The following NPAS3 variants were observed in gnomAD, a reference collection of about 807,000 sequenced individuals.
The protein encoded by NPAS3 is neuronal PAS domain-containing protein 3.
A neutral mutation model predicts 73.1 loss-of-function variants in NPAS3; 14 were observed. That is an observed-to-expected ratio of 0.19 (90% confidence interval 0.13 to 0.30). The LOEUF (loss-of-function observed/expected upper bound fraction) is 0.30. Ranked by LOEUF, NPAS3 falls within the 10% of genes least tolerant of loss-of-function variation. The pLI is 1.00. For missense variants in NPAS3, 1,096 were observed against 1,250.0 expected (o/e 0.88, Z 1.86); for synonymous variants, 620 against 541.5 (o/e 1.14, Z -2.01).
intron 4 of NPAS3, among the ~76,000 whole-genome samples, chr14:33,423,949 T>C (rs1465126272): frequency 2.0e-5 from 3 of 152,000 alleles, no homozygotes; most frequent in Admixed American, 6.6e-5. Flanking sequence ...ATTTAATAGA[T>C]ATTGATTGAA....
chr14:33,749,821 C>T (rs1186639836), intron 7 of NPAS3, among the ~76,000 whole-genome samples: 2 of 152,126 alleles, frequency 1.3e-5, no homozygotes, highest in Admixed American at 6.6e-5. Flanking sequence ...ACACACCATA[C>T]CATCACTGTC....
chr14:33,271,448 T>TA lies in NPAS3; in HGVS notation c.385+56022_385+56023insA, dbSNP rs201218033. 6.4e-4 allele frequency among the ~76,000 whole-genome samples: 97 copies of TA among 151,904 alleles called. 1 individual carries two copies. In the East Asian group the frequency reaches 0.018, roughly 28 times the overall value. ...GGATTCTGATTCCTGTGGCTAGCTG[T>TA]TGGGGAGAAGGAGAGGCCAGAGACA... On this transcript the variant is annotated intron_variant, in intron 3 of 11. Coordinates refer to ENST00000356141, the Ensembl canonical transcript of NPAS3.
chr14:33,374,707 G>C lies in NPAS3; in HGVS notation c.468+7439G>C, dbSNP rs1315143. Among the ~76,000 whole-genome samples the C allele has an allele frequency of 3.6e-3, 488 of 135,480 alleles. 4 individuals carry two copies. The highest frequency in any genetic ancestry group is 0.011 in the African/African-American group (404 of 35,678). 88.9% of individuals were successfully genotyped at this position (135,480 alleles called of 152,430 possible). ...ACAATGTTGGGGTGTGTCGGGGCGGGGGGGGGAGTAGAGAATGCCAAATCT... is the reference window on the plus strand; with the variant it reads ...ACAATGTTGGGGTGTGTCGGGGCGGCGGGGGGAGTAGAGAATGCCAAATCT... On this transcript the variant is annotated intron_variant, in intron 4 of 11. Transcript: ENST00000356141.
At chr14:32,995,834 A>G (rs756046178) in intron 1 of NPAS3, among the ~76,000 whole-genome samples, 2 of 152,278 alleles carry the variant, frequency 1.3e-5, no homozygotes, top group Middle Eastern at 3.4e-3. Context: ...CTTTATCAGC[A>G]GTGTGAAAAT....
At chr14:33,123,058 A>T (rs1245909593) in intron 2 of NPAS3, among the ~76,000 whole-genome samples, 2 of 152,102 alleles carry the variant, frequency 1.3e-5, no homozygotes, top group Non-Finnish European at 2.9e-5. Flanking sequence ...ATTGCTGCAC[A>T]CAACAAAGAT....
At chr14:33,711,896 G>C (rs193254950) in intron 6 of NPAS3, among the ~76,000 whole-genome samples, 1 of 152,152 alleles carries the variant, frequency 6.6e-6, no homozygotes, top group Admixed American at 6.5e-5. Context: ...GCTGCTTAGG[G>C]GATTTGAGGG....
At chr14:33,098,279 C>T (rs900642928) in intron 2 of NPAS3, among the ~76,000 whole-genome samples, 1 of 152,054 alleles carries the variant, frequency 6.6e-6, no homozygotes, top group African/African-American at 2.4e-5. Flanking sequence ...ATATGTGTGC[C>T]TCCAATACAA....
chr14:33,436,205 A>C (rs11621942), intron 4 of NPAS3, among the ~76,000 whole-genome samples: 32,776 of 152,072 alleles, frequency 0.22, 3,841 homozygotes, highest in East Asian at 0.5. Context: ...CGTGCATGTA[A>C]GTTTACCGTC....
chr14:33,279,269 A>G (rs960057149), intron 3 of NPAS3, among the ~76,000 whole-genome samples: 5 of 152,202 alleles, frequency 3.3e-5, no homozygotes, highest in Non-Finnish European at 7.3e-5. Context: ...TGTTTGTTAA[A>G]GGTAATAATA....
intron 4 of NPAS3, among the ~76,000 whole-genome samples, chr14:33,462,212 C>T (rs766307585): frequency 6.6e-6 from 1 of 152,204 alleles, no homozygotes; most frequent in Admixed American, 6.5e-5. Context: ...ATCTGGGCAA[C>T]ATTAGGCAAG....
At chr14:33,485,032 G>A (rs1422635436) in intron 4 of NPAS3, among the ~76,000 whole-genome samples, 1 of 152,154 alleles carries the variant, frequency 6.6e-6, no homozygotes, top group East Asian at 1.9e-4. Flanking sequence ...AAATAGAACT[G>A]ATTCATGGAC....
intron 3 of NPAS3, among the ~76,000 whole-genome samples, chr14:33,308,523 T>TACACACACACACAC (rs1347327819): frequency 1.2e-4 from 11 of 88,810 alleles, no homozygotes; most frequent in African/African-American, 4.6e-4. Flanking sequence ...TATATATATA[T>TACACACACACACAC]ATATACATAC....
chr14:33,280,780 A>T (rs765573032), intron 3 of NPAS3, among the ~76,000 whole-genome samples: 11 of 152,180 alleles, frequency 7.2e-5, no homozygotes, highest in Non-Finnish European at 1.6e-4. Context: ...ACTATTGGTA[A>T]CGCAGCTAGT....
intron 1 of NPAS3, among the ~76,000 whole-genome samples, chr14:33,018,942 A>C (rs2039492215): frequency 6.6e-6 from 1 of 152,342 alleles, no homozygotes; most frequent in East Asian, 1.9e-4. Context: ...TTTATAAAAA[A>C]AAAAACCTTT....
intron 4 of NPAS3, among the ~76,000 whole-genome samples, chr14:33,500,601 C>T (rs1205300032): frequency 6.6e-6 from 1 of 151,906 alleles, no homozygotes; most frequent in African/African-American, 2.4e-5. Flanking sequence ...AATACGGCCT[C>T]ATTCACAGAA....
At chr14:33,524,001 A>C (rs1002984253) in intron 4 of NPAS3, among the ~76,000 whole-genome samples, 1 of 152,186 alleles carries the variant, frequency 6.6e-6, no homozygotes. Flanking sequence ...CTAGGCATAT[A>C]ATAGCCAAAA....
intron 2 of NPAS3, among the ~76,000 whole-genome samples, chr14:33,119,967 C>A (rs1032244515): frequency 3.3e-5 from 5 of 152,054 alleles, no homozygotes; most frequent in South Asian, 2.1e-4. Context: ...TAGTAGCAGT[C>A]ATTAAAGATC....
At chr14:33,738,240 A>C (rs566184709) in intron 7 of NPAS3, among the ~76,000 whole-genome samples, 1 of 152,278 alleles carries the variant, frequency 6.6e-6, no homozygotes, top group East Asian at 1.9e-4. Flanking sequence ...GCCCATTTTC[A>C]TACAGCCCTT....
At chr14:33,344,671 A>G (rs2044644492) in intron 3 of NPAS3, among the ~76,000 whole-genome samples, 1 of 152,238 alleles carries the variant, frequency 6.6e-6, no homozygotes, top group African/African-American at 2.4e-5. Flanking sequence ...ACTAGAGTTG[A>G]AATTTAACAT....
Sources: allele counts gnomAD v4.1 joint callset (sites outside exome capture counted in the v4.1 genomes callset), GRCh38; gene constraint gnomAD v4.1.1; transcripts MANE v1.5; gene names NCBI Gene and HGNC (gene_info 2026-07-23, HGNC 2026-07-21).